Variants in FAM193A observed in about 807,000 individuals in gnomAD.
FAM193A encodes the protein family with sequence similarity 193 member A, also known as protein FAM193A.
FAM193A carries 22 observed loss-of-function variants against 126.5 expected under a neutral mutation model. The ratio of observed to expected loss-of-function variants is 0.17; its 90% CI spans 0.12 to 0.25. The LOEUF (loss-of-function observed/expected upper bound fraction) is 0.25. Ranked by LOEUF, FAM193A falls within the 10% of genes least tolerant of loss-of-function variation. The probability of loss-of-function intolerance (pLI) is 1.00; values close to 1 mark genes in which losing one functional copy is unlikely to be tolerated. For missense variants in FAM193A, 1,675 were observed against 1,672.8 expected, an observed-to-expected ratio of 1.00 and a Z score of -0.02; for synonymous variants, 761 against 646.8, an observed-to-expected ratio of 1.18 and a Z score of -2.68.
chr4:2,605,789 T>C (rs1741499090), intron 2 of FAM193A, among the ~76,000 whole-genome samples: 1 of 151,956 alleles, frequency 6.6e-6, no homozygotes, highest in African/African-American at 2.4e-5. Context: ...CTGGCCAACA[T>C]GGCGAAACCT....
At chr4:2,716,343 G>T (rs1719529709) in intron 20 of FAM193A, among the ~76,000 whole-genome samples, 1 of 152,166 alleles carries the variant, frequency 6.6e-6, no homozygotes, top group South Asian at 2.1e-4. Flanking sequence ...AATAGTTGAT[G>T]GCAGTGGCTT....
At chr4:2,557,784 C>A (rs569582249) in intron 1 of FAM193A, among the ~76,000 whole-genome samples, 37 of 152,048 alleles carry the variant, frequency 2.4e-4, no homozygotes, top group Middle Eastern at 3.4e-3. Flanking sequence ...AACACTGTCT[C>A]TACTAAAAAT....
chr4:2,572,617 C>T (rs773057366), intron 1 of FAM193A, among the ~76,000 whole-genome samples: 3 of 151,916 alleles, frequency 2.0e-5, no homozygotes, highest in Non-Finnish European at 2.9e-5. Context: ...TGTGCCACAG[C>T]CTGGTGTGGG....
intron 1 of FAM193A, among the ~76,000 whole-genome samples, chr4:2,593,495 T>A (rs1260036387): frequency 6.6e-6 from 1 of 152,216 alleles, no homozygotes; most frequent in Non-Finnish European, 1.5e-5. Context: ...TATGTTTTTC[T>A]CCTTATCACT....
chr4:2,586,065 GA>G (rs936598187), intron 1 of FAM193A, among the ~76,000 whole-genome samples: 3 of 152,012 alleles, frequency 2.0e-5, no homozygotes, highest in Non-Finnish European at 4.4e-5. Context: ...TCAACATAGA[GA>G]AACCCCATCT....
intron 1 of FAM193A, among the ~76,000 whole-genome samples, chr4:2,547,063 A>G (rs1737606500): frequency 6.6e-6 from 1 of 152,176 alleles, no homozygotes; most frequent in Admixed American, 6.5e-5. Context: ...GATTACAGGT[A>G]TAAGCCCTGG....
chr4:2,590,515 AAC>A (rs1205997831), intron 1 of FAM193A, among the ~76,000 whole-genome samples: 12 of 118,802 alleles, frequency 1.0e-4, no homozygotes, highest in African/African-American at 3.8e-4. Context: ...ACAAAAAAAA[AAC>A]AAAACAAAAT....
intron 7 of FAM193A, among the ~76,000 whole-genome samples, chr4:2,648,357 G>A (rs924256851): frequency 1.3e-5 from 2 of 152,226 alleles, no homozygotes; most frequent in African/African-American, 4.8e-5. Context: ...AGGGTGAGGA[G>A]GGGCCTCAGA....
upstream of FAM193A, among the ~76,000 whole-genome samples, chr4:2,536,175 G>T (rs1736860353): frequency 1.3e-5 from 2 of 151,144 alleles, no homozygotes; most frequent in African/African-American, 4.8e-5. Flanking sequence ...GGCGGGCGGG[G>T]CGGGCGGGCA....
chr4:2,548,507 A>C (rs1737707302), intron 1 of FAM193A, among the ~76,000 whole-genome samples: 1 of 152,036 alleles, frequency 6.6e-6, no homozygotes, highest in East Asian at 1.9e-4. Flanking sequence ...CCCAGGCTGG[A>C]GTGTGGTGGC....
chr4:2,602,148 T>C (rs1039565507), intron 2 of FAM193A, among the ~76,000 whole-genome samples: 9 of 152,154 alleles, frequency 5.9e-5, no homozygotes, highest in Non-Finnish European at 1.0e-4. Context: ...CAATTATTGC[T>C]ATTTTATATA....
chr4:2,540,304 T>C (rs531313157), intron 1 of FAM193A, among the ~76,000 whole-genome samples: 1 of 151,476 alleles, frequency 6.6e-6, no homozygotes, highest in East Asian at 2.0e-4. Context: ...CCGTCTCTAG[T>C]AAAAATACAA....
Position 2,676,935 on chromosome 4 carries a change from C to T in FAM193A, c.2331+4563C>T, listed in dbSNP as rs529824376. On this transcript the variant is annotated intron_variant, in intron 13 of 20. Coordinates refer to ENST00000637812, the MANE Select transcript of FAM193A (RefSeq NM_001366318.2). ...CAGCTTGGGCGACAGAGCAAGATTC[C>T]GTCTCAAAAAAAAAAAAATTTTCAT... 1.3e-4 allele frequency among the ~76,000 whole-genome samples: 19 copies of T among 151,416 alleles called. No homozygotes were observed. In the East Asian group the frequency reaches 2.9e-3, roughly 23 times the overall value.
intron 7 of FAM193A, among the ~76,000 whole-genome samples, chr4:2,656,583 C>T (rs1711712453): frequency 6.6e-6 from 1 of 152,096 alleles, no homozygotes; most frequent in African/African-American, 2.4e-5. Context: ...CCTAGTGGAG[C>T]CTGGGGCATG....
intron 19 of FAM193A, among the ~76,000 whole-genome samples, chr4:2,711,732 T>C (rs887870065): frequency 4.0e-5 from 6 of 151,746 alleles, no homozygotes; most frequent in Non-Finnish European, 5.9e-5. Context: ...GCAGATCACT[T>C]GAGGTCAGGA....
At chr4:2,645,726 C>T (rs897649134) in intron 6 of FAM193A, among the ~76,000 whole-genome samples, 13 of 152,078 alleles carry the variant, frequency 8.5e-5, no homozygotes, top group African/African-American at 3.1e-4. Context: ...AGGGTTTCTC[C>T]ATGTTGGCCA....
chr4:2,659,783 C>T, intron 9 of FAM193A, 29 bp from the exon 10 acceptor site: 1 of 1,614,020 alleles, frequency 6.2e-7, no homozygotes. Context: ...CATTGGTTGG[C>T]TTGGTAACTG....
chr4:2,672,228 C>T lies in FAM193A; in HGVS notation c.2187C>T (p.Phe729=). 6 of 1,614,232 alleles carry T rather than the reference C, an allele frequency of 3.7e-6. No individual in the cohort carries two copies. Among genetic ancestry groups the T allele is most frequent in the Non-Finnish European group, 5.1e-6 (6 of 1,180,048 alleles). The change falls in exon 13 of 21, where the codon TTC becomes TTT. Residue 729 remains phenylalanine (F), a synonymous_variant. Transcript: ENST00000637812. ...TAGALPPGHQ[F]LSPEKPTHPA... is the part of the protein sequence containing the mutation. Reference sequence around the variant, plus strand: ...GAGCCCTTCCTCCTGGCCATCAGTTCTTGAGCCCAGAGAAGCCCACACACC... The same window carrying T: ...GAGCCCTTCCTCCTGGCCATCAGTTTTTGAGCCCAGAGAAGCCCACACACC...
chr4:2,546,247 C>T (rs1578565406), intron 1 of FAM193A, among the ~76,000 whole-genome samples: 1 of 152,020 alleles, frequency 6.6e-6, no homozygotes, highest in African/African-American at 2.4e-5. Flanking sequence ...CTACCTTGGC[C>T]TCCCAAAGTT....
Sources: gnomAD v4.1 joint callset for allele counts (sites outside exome capture counted in the v4.1 genomes callset) on GRCh38, gnomAD v4.1.1 for gene constraint, MANE v1.5 for transcripts, NCBI Gene and HGNC (gene_info 2026-07-23, HGNC 2026-07-21) for gene names.